The following VPS53 variants were observed in gnomAD, a reference collection of about 807,000 sequenced individuals.
VPS53 encodes vacuolar protein sorting-associated protein 53 homolog.
In VPS53, 70 loss-of-function variants were observed where a neutral mutation model predicts 107.0. That is an observed-to-expected ratio of 0.65 (90% CI 0.54 to 0.80). VPS53 has a LOEUF of 0.80. Among genes scored for constraint, VPS53 ranks in the 30% least tolerant of loss-of-function variants. VPS53 has a pLI of 0.00. For missense variants in VPS53, 917 were observed against 1,049.4 expected (o/e 0.87, Z 1.74); for synonymous variants, 409 against 393.3 (o/e 1.04, Z -0.47).
chr17:515,111 A>C lies in VPS53; in HGVS notation c.*4017T>G, dbSNP rs188339399. On this transcript the variant is annotated 3_prime_UTR_variant, in exon 22 of 22. Transcript: ENST00000437048. ...TTTATTTTAAACCCAAAGTGACTTCAAAGTTGTTTTTTGGTTTTTAAAGGG... is the reference window on the plus strand; with the variant it reads ...TTTATTTTAAACCCAAAGTGACTTCCAAGTTGTTTTTTGGTTTTTAAAGGG... 1 of 152,174 alleles carries C rather than the reference A, an allele frequency of 6.6e-6. No individual in the cohort carries two copies. Among genetic ancestry groups the C allele is most frequent in the South Asian group, 2.1e-4 (1 of 4,828 alleles). 9.4% of individuals were successfully genotyped at this position (152,174 alleles called of 1,614,324 possible). A position where few individuals can be genotyped will look rare whatever the true frequency, so the allele number is the denominator to read the frequency against.
At chr17:710,786 TA>T (rs907319354) in intron 1 of VPS53, among the ~76,000 whole-genome samples, 173 bp from the exon 2 acceptor site, 1 of 151,786 alleles carries the variant, frequency 6.6e-6, no homozygotes, top group African/African-American at 2.4e-5. Flanking sequence ...CTACTAAAAA[TA>T]AAAACTTGGC....
intron 4 of VPS53, among the ~76,000 whole-genome samples, chr17:692,518 C>T (rs1388131205): frequency 1.3e-5 from 2 of 152,124 alleles, no homozygotes; most frequent in African/African-American, 2.4e-5. Context: ...GTTAACCAAG[C>T]GGCTGGTATT....
rs1189606586 is a variant in VPS53, at chr17:638,244, CTTTT to C, written c.609-6620_609-6617del. On this transcript the variant is annotated intron_variant, in intron 7 of 21. Transcript: ENST00000437048. ...GAGAGACTAGGATTGCAACCCCTGCCTTTTTTTGTTTTCCATTTGCTTGGTAGAT... is the reference window on the plus strand; with the variant it reads ...GAGAGACTAGGATTGCAACCCCTGCCTTTGTTTTCCATTTGCTTGGTAGAT... Among the ~76,000 whole-genome samples, 6 of 152,112 alleles carry C rather than the reference CTTTT, an allele frequency of 3.9e-5. No individual in the cohort carries two copies. In the South Asian group the frequency reaches 1.2e-3, roughly 32 times the overall value.
At chr17:666,666 AAAC>A (rs769241216) in intron 4 of VPS53, among the ~76,000 whole-genome samples, 5 of 151,896 alleles carry the variant, frequency 3.3e-5, no homozygotes, top group African/African-American at 9.7e-5. Context: ...CTCCATCTCA[AAAC>A]AACAACAACA....
At chr17:579,596 C>T (rs1422987611) in intron 13 of VPS53, among the ~76,000 whole-genome samples, 1 of 151,560 alleles carries the variant, frequency 6.6e-6, no homozygotes, top group Admixed American at 6.6e-5. Flanking sequence ...TAATGTGTTC[C>T]CAGAGAACCT....
At chr17:672,153 A>ACACACACACTC (rs1193028603) in intron 4 of VPS53, among the ~76,000 whole-genome samples, 2 of 58,420 alleles carry the variant, frequency 3.4e-5, no homozygotes, top group African/African-American at 6.5e-5. Context: ...CACACACACA[A>ACACACACACTC]TCTCTCTCTC....
At chr17:534,321 C>T (rs906178334) in intron 18 of VPS53, among the ~76,000 whole-genome samples, 5 of 152,160 alleles carry the variant, frequency 3.3e-5, no homozygotes, top group African/African-American at 1.2e-4. Flanking sequence ...CAGTTTCAAC[C>T]AGGCTGTGGA....
intron 19 of VPS53, among the ~76,000 whole-genome samples, chr17:531,775 T>TTC (rs1909579684): frequency 7.9e-6 from 1 of 126,284 alleles, no homozygotes; most frequent in African/African-American, 3.1e-5. Flanking sequence ...GATTTATTCT[T>TTC]TTTTTTTTTT....
chr17:681,737 G>C (rs1234797706), intron 4 of VPS53, among the ~76,000 whole-genome samples: 5 of 152,208 alleles, frequency 3.3e-5, no homozygotes, highest in Non-Finnish European at 7.3e-5. Context: ...CTGGAAGCTG[G>C]AAAGTCCAAG....
chr17:558,593 C>G (rs1912657560), intron 15 of VPS53, among the ~76,000 whole-genome samples: 1 of 152,070 alleles, frequency 6.6e-6, no homozygotes, highest in South Asian at 2.1e-4. Flanking sequence ...GAGATCGTGC[C>G]ACTGCACTCC....
chr17:519,066 GGGGCT>G lies in VPS53; in HGVS notation c.*57_*61del. The G allele has an allele frequency of 2.1e-6, 3 of 1,446,766 alleles. No homozygotes were observed. The highest frequency in any genetic ancestry group is 5.6e-5 in the Admixed American group (2 of 35,406). The allele number at this position is 1,446,766 out of a possible 1,614,324, so 89.6% of individuals were successfully genotyped here. ...GTGCCGGGGAGCACAGGAGAGGTTG[GGGGCT>G]TCTGGGGAACGGGCGCTGAGGGTCT... On this transcript the variant is annotated 3_prime_UTR_variant, in exon 22 of 22. Transcript: ENST00000437048. The surrounding 1 kb of genome is among the most constrained non-coding windows in gnomAD (Gnocchi z 5.0).
Position 586,353 on chromosome 17 carries a change from A to C in VPS53, c.1230T>G (p.Pro410=), listed in dbSNP as rs191838398. Residue 410 remains proline (P), a synonymous_variant, in exon 13 of 22, where the codon CCT becomes CCG. Coordinates refer to ENST00000437048, the MANE Select transcript of VPS53 (RefSeq NM_001128159.3). ...CATGAAATGGATTGTCTGGGGCTTT[A>C]GGCTTCTTTGGCTGTAAAAACAAAG... The part of the protein sequence containing the change: ...EKGDLDQPKK[P]KAPDNPFHGI... 9 of 1,614,138 alleles carry C rather than the reference A, an allele frequency of 5.6e-6. No individual in the cohort carries two copies. In the East Asian group the frequency reaches 2.0e-4, roughly 36 times the overall value.
At chr17:627,612 T>C (rs1012422476) in intron 9 of VPS53, among the ~76,000 whole-genome samples, 1 of 151,936 alleles carries the variant, frequency 6.6e-6, no homozygotes, top group Non-Finnish European at 1.5e-5. Flanking sequence ...CCGTCCCTAC[T>C]AAAAAATACA....
intron 6 of VPS53, 94 bp downstream of exon 6, chr17:655,744 A>C (rs945696004): frequency 3.3e-6 from 4 of 1,197,400 alleles, no homozygotes; most frequent in Non-Finnish European, 4.6e-6. Flanking sequence ...GGATGGTGAG[A>C]CTTTCCTGGC....
chr17:588,293 G>C (rs1258017719), intron 12 of VPS53, among the ~76,000 whole-genome samples: 1 of 152,014 alleles, frequency 6.6e-6, no homozygotes, highest in African/African-American at 2.4e-5. Flanking sequence ...ACTCCAGCCT[G>C]GCGACAGAGT....
Position 629,807 on chromosome 17 carries a change from A to C in VPS53, c.688-1576T>G, listed in dbSNP as rs1183914493. On this transcript the variant is annotated intron_variant, in intron 8 of 21. Transcript: ENST00000437048. ...AAAACTAAAAACAAAACAAAAAAAA[A>C]ACCACACACACACACACACACACAC... 3.1e-3 allele frequency among the ~76,000 whole-genome samples: 183 copies of C among 58,836 alleles called. 2 individuals carry two copies. Among genetic ancestry groups the C allele is most frequent in the East Asian group, 0.018 (35 of 1,940 alleles). The allele number at this position is 58,836 out of a possible 152,430, so 38.6% of individuals were successfully genotyped here.
At chr17:702,342 C>T (rs952120229) in intron 2 of VPS53, among the ~76,000 whole-genome samples, 5 of 151,798 alleles carry the variant, frequency 3.3e-5, no homozygotes, top group African/African-American at 1.2e-4. Context: ...TGATGGGTGA[C>T]AATCTCAAAA....
At chr17:586,845 T>C (rs912795096) in intron 12 of VPS53, among the ~76,000 whole-genome samples, 2 of 152,210 alleles carry the variant, frequency 1.3e-5, no homozygotes, top group African/African-American at 4.8e-5. Flanking sequence ...AGAGGTTCTC[T>C]AACCTGCCCC....
intron 5 of VPS53, among the ~76,000 whole-genome samples, chr17:660,958 T>G (rs1363133625): frequency 6.6e-6 from 1 of 152,052 alleles, no homozygotes; most frequent in African/African-American, 2.4e-5. Flanking sequence ...GAATGCTGGA[T>G]TCTCGGTCTT....
Sources: gnomAD v4.1 joint callset for allele counts (sites outside exome capture counted in the v4.1 genomes callset) on GRCh38, gnomAD v4.1.1 for gene constraint, Gnocchi (gnomAD v3.1) non-coding constraint, MANE v1.5 for transcripts, NCBI Gene and HGNC (gene_info 2026-07-23, HGNC 2026-07-21) for gene names.